The following PBX1 variants were observed in gnomAD, a reference collection of about 807,000 sequenced individuals.
PBX1 encodes the protein PBX homeobox 1, also known as pre-B-cell leukemia transcription factor 1.
Under a neutral mutation model 53.4 loss-of-function variants are expected in PBX1, and 6 were observed. That is an observed-to-expected ratio of 0.11 (90% CI 0.06 to 0.22). The LOEUF is 0.22. Among genes scored for constraint, PBX1 ranks in the 10% least tolerant of loss-of-function variants. The pLI is 1.00. For missense variants in PBX1, 251 were observed against 551.4 expected (o/e 0.46, Z 5.46); for synonymous variants, 204 against 212.3 (o/e 0.96, Z 0.34).
chr1:164,597,841 AAG>A (rs1308329450), intron 2 of PBX1, among the ~76,000 whole-genome samples: 1 of 152,118 alleles, frequency 6.6e-6, no homozygotes, highest in Non-Finnish European at 1.5e-5. Context: ...TAATTAATTT[AAG>A]AGACTTAAAT....
intron 2 of PBX1, among the ~76,000 whole-genome samples, chr1:164,630,179 A>G (rs575611639): frequency 2.0e-5 from 3 of 152,280 alleles, no homozygotes; most frequent in South Asian, 2.1e-4. Flanking sequence ...CACTGGGCAA[A>G]ATAATTCAGA....
chr1:164,656,114 T>C (rs942647904), intron 2 of PBX1, among the ~76,000 whole-genome samples: 1 of 152,220 alleles, frequency 6.6e-6, no homozygotes, highest in Non-Finnish European at 1.5e-5. Context: ...ATCTGATTAT[T>C]TGACCAGAAA....
chr1:164,624,716 T>G (rs1237409783), intron 2 of PBX1, among the ~76,000 whole-genome samples: 1 of 152,208 alleles, frequency 6.6e-6, no homozygotes, highest in Non-Finnish European at 1.5e-5. Context: ...ATTTTTTCAG[T>G]TCCTATAGGT....
At chr1:164,821,741 C>A in intron 8 of PBX1, 115 bp downstream of exon 8, 1 of 781,648 alleles carries the variant, frequency 1.3e-6, no homozygotes, top group South Asian at 1.5e-5. Flanking sequence ...GCTTTACGGT[C>A]ACCTAGTTTC....
At chr1:164,671,432 CTT>C (rs1661104946) in intron 2 of PBX1, among the ~76,000 whole-genome samples, 2 of 152,196 alleles carry the variant, frequency 1.3e-5, no homozygotes, top group East Asian at 3.9e-4. Context: ...GATGGGCAAA[CTT>C]TGTGTGTGAG....
chr1:164,600,973 A>G (rs913130119), intron 2 of PBX1, among the ~76,000 whole-genome samples: 4 of 152,162 alleles, frequency 2.6e-5, no homozygotes, highest in Non-Finnish European at 1.5e-5. Flanking sequence ...GCAGTGGCTC[A>G]TGCCTGTAAT....
chr1:164,586,095 G>C (rs951707191), intron 2 of PBX1, among the ~76,000 whole-genome samples: 1 of 152,204 alleles, frequency 6.6e-6, no homozygotes, highest in African/African-American at 2.4e-5. Flanking sequence ...CACACATGTT[G>C]AAAGAACTGT....
chr1:164,810,853 G>C (rs1669572949), intron 5 of PBX1, among the ~76,000 whole-genome samples: 1 of 152,008 alleles, frequency 6.6e-6, no homozygotes. Flanking sequence ...TGGTGGTACA[G>C]ACTGATTTTT....
rs1217309533 is a variant in PBX1, at chr1:164,808,918, TGAC to T, written c.837+1242_837+1244del. Among the ~76,000 whole-genome samples, 3 of 152,202 alleles carry T rather than the reference TGAC, an allele frequency of 2.0e-5. No homozygotes were observed. In the East Asian group the frequency reaches 5.8e-4, roughly 29 times the overall value. The stretch of plus-strand genomic sequence containing the variant: ...CCCAGCTGGAGGTCATTTTTAGTCT[TGAC>T]AGTTCTGGGAAACGGGAACGTCAGC... On this transcript the variant is annotated intron_variant, in intron 5 of 8. Transcript: ENST00000420696.
At chr1:164,796,390 TA>T (rs5778408) in intron 3 of PBX1, among the ~76,000 whole-genome samples, 11 of 151,634 alleles carry the variant, frequency 7.3e-5, no homozygotes, top group Admixed American at 2.6e-4. Context: ...AGCTCTACTT[TA>T]AAAAAAAATT....
chr1:164,745,190 T>C (rs1471876267), intron 2 of PBX1, among the ~76,000 whole-genome samples: 1 of 152,110 alleles, frequency 6.6e-6, no homozygotes, highest in Non-Finnish European at 1.5e-5. Context: ...TTAGACTATA[T>C]AGTGAAAAAT....
In PBX1 at chr1:164,848,582, G is replaced by A; in HGVS notation, c.*1906G>A. ...CGTGATGACAAAGAGAAGAGTTATTGTTGATCTTCTTGGTTTTGGTCTGTC... is the reference window on the plus strand; with the variant it reads ...CGTGATGACAAAGAGAAGAGTTATTATTGATCTTCTTGGTTTTGGTCTGTC... On this transcript the variant is annotated 3_prime_UTR_variant, in exon 9 of 9. Coordinates refer to ENST00000420696, the MANE Select transcript of PBX1 (RefSeq NM_002585.4). 6.6e-6 allele frequency: 7 copies of A among 1,059,078 alleles called. No individual in the cohort carries two copies. Among genetic ancestry groups the A allele is most frequent in the Non-Finnish European group, 8.0e-6 (7 of 875,428 alleles). The allele number at this position is 1,059,078 out of a possible 1,614,324, so 65.6% of individuals were successfully genotyped here.
intron 2 of PBX1, among the ~76,000 whole-genome samples, chr1:164,866,576 T>C (rs150534743): frequency 6.2e-4 from 94 of 152,356 alleles, no homozygotes; most frequent in African/African-American, 2.2e-3. Context: ...ATCCTGACTT[T>C]ACAATTATAG....
intron 2 of PBX1, among the ~76,000 whole-genome samples, chr1:164,654,337 G>C (rs2101930608): frequency 6.6e-6 from 1 of 152,300 alleles, no homozygotes; most frequent in Non-Finnish European, 1.5e-5. Flanking sequence ...TAACAGAAAA[G>C]AGGCCCAGTC....
chr1:164,754,403 C>T (rs967811077), intron 2 of PBX1, among the ~76,000 whole-genome samples: 1 of 152,180 alleles, frequency 6.6e-6, no homozygotes, highest in Non-Finnish European at 1.5e-5. Context: ...CATCACAACT[C>T]GCTTGTCTTA....
intron 2 of PBX1, among the ~76,000 whole-genome samples, chr1:164,632,700 A>G (rs1658486239): frequency 6.6e-6 from 1 of 152,158 alleles, no homozygotes; most frequent in Non-Finnish European, 1.5e-5. Context: ...GGCTTTTATA[A>G]TGATTAATAC....
At chr1:164,674,224 G>A (rs1661291430) in intron 2 of PBX1, among the ~76,000 whole-genome samples, 1 of 152,152 alleles carries the variant, frequency 6.6e-6, no homozygotes, top group Admixed American at 6.5e-5. Flanking sequence ...CTAGAAACAG[G>A]TTCCCGTTTG....
At chr1:164,588,681 G>GA (rs931644111) in intron 2 of PBX1, among the ~76,000 whole-genome samples, 11 of 151,256 alleles carry the variant, frequency 7.3e-5, no homozygotes, top group Admixed American at 4.6e-4. Context: ...GGTTTAGGGG[G>GA]AAAAAAAATA....
At chr1:164,727,271 T>C (rs1664747731) in intron 2 of PBX1, among the ~76,000 whole-genome samples, 1 of 152,238 alleles carries the variant, frequency 6.6e-6, no homozygotes, top group South Asian at 2.1e-4. Context: ...TAAGAAAATC[T>C]CTACAATTCT....
Sources: allele counts gnomAD v4.1 joint callset (sites outside exome capture counted in the v4.1 genomes callset), GRCh38; gene constraint gnomAD v4.1.1; transcripts MANE v1.5; gene names NCBI Gene and HGNC (gene_info 2026-07-23, HGNC 2026-07-21).